The following ARHGAP28 variants were observed in gnomAD, a reference collection of about 807,000 sequenced individuals.
ARHGAP28 encodes rho GTPase-activating protein 28.
A neutral mutation model predicts 90.7 loss-of-function variants in ARHGAP28; 56 were observed. That is an observed-to-expected ratio of 0.62 (90% CI 0.50 to 0.77). The LOEUF is 0.77. Among genes scored for constraint, ARHGAP28 ranks in the 30% least tolerant of loss-of-function variants. The probability of loss-of-function intolerance (pLI) is 0.00; values close to 1 mark genes in which losing one functional copy is unlikely to be tolerated. For missense variants in ARHGAP28, 869 were observed against 900.9 expected (o/e 0.96, Z 0.45); for synonymous variants, 308 against 323.3 (o/e 0.95, Z 0.51).
chr18:6,815,938 C>T (rs2056587654), intron 1 of ARHGAP28, among the ~76,000 whole-genome samples: 2 of 151,844 alleles, frequency 1.3e-5, no homozygotes, highest in African/African-American at 4.8e-5. Context: ...ATCCAACCCT[C>T]CATATTCCCT....
At chr18:6,822,541 G>T (rs1314401438) in intron 1 of ARHGAP28, among the ~76,000 whole-genome samples, 1 of 152,140 alleles carries the variant, frequency 6.6e-6, no homozygotes, top group Non-Finnish European at 1.5e-5. Flanking sequence ...TATTTCAACT[G>T]CTAGAATGTG....
intron 10 of ARHGAP28, among the ~76,000 whole-genome samples, chr18:6,876,797 A>C (rs896201774): frequency 6.6e-6 from 1 of 152,130 alleles, no homozygotes; most frequent in East Asian, 1.9e-4. Context: ...CACATCTAAA[A>C]CCAGCTGTTC....
intron 1 of ARHGAP28, among the ~76,000 whole-genome samples, chr18:6,807,480 A>G (rs1600203152): frequency 1.3e-5 from 2 of 152,236 alleles, no homozygotes; most frequent in Admixed American, 6.5e-5. Context: ...TGATCCTTTC[A>G]TATCTTACTT....
chr18:6,736,758 AC>A (rs140385079), intron 1 of ARHGAP28, among the ~76,000 whole-genome samples: 24,887 of 133,086 alleles, frequency 0.19, 2,753 homozygotes, highest in South Asian at 0.34. Flanking sequence ...AAAAAAAAAA[AC>A]AAAAAACAGA....
intron 1 of ARHGAP28, among the ~76,000 whole-genome samples, chr18:6,735,676 T>A (rs1177095508): frequency 6.6e-6 from 1 of 151,430 alleles, no homozygotes; most frequent in Admixed American, 6.6e-5. Context: ...CATCTCAGCC[T>A]CCTGAGTCGC....
chr18:6,811,883 T>A (rs1231427468), intron 1 of ARHGAP28, among the ~76,000 whole-genome samples: 1 of 152,194 alleles, frequency 6.6e-6, no homozygotes, highest in African/African-American at 2.4e-5. Flanking sequence ...ACATTTACCA[T>A]TCAATTAATA....
chr18:6,895,213 G>A (rs1353664067), intron 15 of ARHGAP28, among the ~76,000 whole-genome samples: 1 of 152,032 alleles, frequency 6.6e-6, no homozygotes, highest in African/African-American at 2.4e-5. Flanking sequence ...AGACATAGAC[G>A]ATCAAAGGTG....
intron 3 of ARHGAP28, among the ~76,000 whole-genome samples, chr18:6,847,427 A>G (rs576417391): frequency 2.0e-5 from 3 of 152,308 alleles, no homozygotes; most frequent in East Asian, 3.9e-4. Flanking sequence ...CTCTCAGTAT[A>G]TTAGAGAGGG....
intron 1 of ARHGAP28, among the ~76,000 whole-genome samples, chr18:6,798,333 A>C (rs1176877252): frequency 6.6e-6 from 1 of 152,048 alleles, no homozygotes; most frequent in Non-Finnish European, 1.5e-5. Flanking sequence ...AGCTGGGATT[A>C]CAAGCACCTG....
At chr18:6,829,398 T>C (rs569997087) in intron 2 of ARHGAP28, among the ~76,000 whole-genome samples, 2 of 152,360 alleles carry the variant, frequency 1.3e-5, no homozygotes, top group South Asian at 4.1e-4. Flanking sequence ...CTCTGTACTT[T>C]ATATTTACTC....
intron 1 of ARHGAP28, chr18:6,790,959 T>G (rs951731594): frequency 9.9e-5 from 15 of 152,250 alleles, no homozygotes; most frequent in African/African-American, 2.6e-4. Flanking sequence ...ATAATGAAAT[T>G]TATAGATAAT....
At chr18:6,889,511 C>A (rs1360359295) in intron 12 of ARHGAP28, among the ~76,000 whole-genome samples, 1 of 152,138 alleles carries the variant, frequency 6.6e-6, no homozygotes, top group East Asian at 1.9e-4. Context: ...TTCAGAATTA[C>A]TTTTCTTCCT....
intron 1 of ARHGAP28, among the ~76,000 whole-genome samples, chr18:6,821,130 G>C (rs573265480): frequency 2.0e-5 from 3 of 152,296 alleles, no homozygotes; most frequent in Non-Finnish European, 4.4e-5. Flanking sequence ...ATTATATTCT[G>C]TAAGATATTT....
chr18:6,876,038 G>A (rs2057128486), intron 9 of ARHGAP28, 93 bp from the exon 10 acceptor site: 4 of 1,033,560 alleles, frequency 3.9e-6, no homozygotes, highest in African/African-American at 1.6e-5. Context: ...TATATGCTTG[G>A]TAACTTATTG....
At chr18:6,749,208 A>G (rs1042893634) in intron 1 of ARHGAP28, among the ~76,000 whole-genome samples, 4 of 152,230 alleles carry the variant, frequency 2.6e-5, no homozygotes, top group Non-Finnish European at 5.9e-5. Flanking sequence ...AGGCCATAGT[A>G]TACTAAAAAT....
chr18:6,837,164 T>G (rs773199160), intron 2 of ARHGAP28, 33 bp from the exon 3 acceptor site: 1 of 1,489,440 alleles, frequency 6.7e-7, no homozygotes, highest in Non-Finnish European at 9.1e-7. Flanking sequence ...ACAGAAAATA[T>G]TCTAACCCTC....
At chr18:6,819,376 C>T (rs905185107) in intron 1 of ARHGAP28, among the ~76,000 whole-genome samples, 1 of 152,094 alleles carries the variant, frequency 6.6e-6, no homozygotes, top group African/African-American at 2.4e-5. Context: ...TGTTGGAGAG[C>T]TGTGGATACA....
rs2057415970 is a variant in ARHGAP28, at chr18:6,915,040, A to T, written c.*2886A>T. On this transcript the variant is annotated 3_prime_UTR_variant, in exon 18 of 18. Transcript: ENST00000383472. Reference sequence around the variant, plus strand: ...ACTGTGCCTGAATCTTATTATTTAAATCACTTCAGTTAGCTTTCAGTGTAT... The same window carrying T: ...ACTGTGCCTGAATCTTATTATTTAATTCACTTCAGTTAGCTTTCAGTGTAT... The T allele has an allele frequency of 6.6e-6, 1 of 152,650 alleles. No individual in the cohort carries two copies. The highest frequency in any genetic ancestry group is 6.5e-5 in the Admixed American group (1 of 15,284). 9.5% of individuals were successfully genotyped at this position (152,650 alleles called of 1,614,324 possible).
intron 17 of ARHGAP28, among the ~76,000 whole-genome samples, chr18:6,911,577 A>G (rs2057399734): frequency 6.6e-6 from 1 of 152,110 alleles, no homozygotes; most frequent in African/African-American, 2.4e-5. Context: ...CTGGAATTAC[A>G]GGCGCCTACC....
Sources: gnomAD v4.1 joint callset for allele counts (sites outside exome capture counted in the v4.1 genomes callset) on GRCh38, gnomAD v4.1.1 for gene constraint, MANE v1.5 for transcripts, NCBI Gene and HGNC (gene_info 2026-07-23, HGNC 2026-07-21) for gene names.